The following ACYP2 variants were observed in gnomAD, a reference collection of about 807,000 sequenced individuals.
The protein encoded by ACYP2 is acylphosphatase 2, also known as acylphosphatase-2.
A neutral mutation model predicts 11.2 loss-of-function variants in ACYP2; 12 were observed. That is an observed-to-expected ratio of 1.08 (90% CI 0.69 to 1.74). The LOEUF (loss-of-function observed/expected upper bound fraction) is 1.74, where lower values mean the gene tolerates loss of function less well. Among genes scored for constraint, ACYP2 ranks in the 40% most tolerant of loss-of-function variants. The probability of loss-of-function intolerance (pLI) is 0.00; values close to 1 mark genes in which losing one functional copy is unlikely to be tolerated. For missense variants in ACYP2, 134 were observed against 101.9 expected (o/e 1.31, Z -1.35); for synonymous variants, 43 against 32.2 (o/e 1.33, Z -1.13).
chr2:54,292,054 T>C lies in ACYP2; in HGVS notation c.405-12634T>C, dbSNP rs535438583. 2.0e-5 allele frequency among the ~76,000 whole-genome samples: 3 copies of C among 152,338 alleles called. No homozygotes were observed. The South Asian group carries it at 6.2e-4, about 32-fold the overall frequency. On this transcript the variant is annotated intron_variant, in intron 6 of 6. Coordinates refer to ENST00000607452, the MANE Select transcript of ACYP2 (RefSeq NM_001320586.2). The stretch of plus-strand genomic sequence containing the variant: ...TTTTTACTTTTTAATTTTATTTGAA[T>C]GTAGCAGAAACAGGATCTCATTCTG...
chr2:54,184,916 G>C (rs115576810), intron 6 of ACYP2, among the ~76,000 whole-genome samples: 1 of 150,000 alleles, frequency 6.7e-6, no homozygotes, highest in African/African-American at 2.5e-5. Flanking sequence ...GCACCTTCTC[G>C]GTTCACTGAA....
intron 3 of ACYP2, chr2:54,051,693 T>TAA: frequency 1.6e-6 from 1 of 645,026 alleles, no homozygotes; most frequent in Non-Finnish European, 2.8e-6. Context: ...CATATTGAGC[T>TAA]AAAGGAAAGC....
At chr2:54,264,475 TC>T (rs1213778508) in intron 6 of ACYP2, among the ~76,000 whole-genome samples, 1 of 152,034 alleles carries the variant, frequency 6.6e-6, no homozygotes, top group Non-Finnish European at 1.5e-5. Context: ...GCTTCACCTC[TC>T]AGATCCTGCT....
At chr2:54,018,909 G>C (rs1285592170) in intron 2 of ACYP2, among the ~76,000 whole-genome samples, 1 of 151,852 alleles carries the variant, frequency 6.6e-6, no homozygotes, top group Non-Finnish European at 1.5e-5. Flanking sequence ...CACCACACCT[G>C]GCTAATTTTT....
At chr2:54,118,679 C>T (rs991647276) in intron 4 of ACYP2, among the ~76,000 whole-genome samples, 2 of 152,166 alleles carry the variant, frequency 1.3e-5, no homozygotes, top group African/African-American at 4.8e-5. Flanking sequence ...TTTGGACCAG[C>T]AGTAAAAATA....
intron 4 of ACYP2, among the ~76,000 whole-genome samples, chr2:54,069,619 G>A (rs1022152793): frequency 6.6e-5 from 10 of 152,072 alleles, no homozygotes; most frequent in East Asian, 5.8e-4. Flanking sequence ...CCAAGATTGC[G>A]CCACTGCACT....
chr2:54,161,251 C>A (rs566283749), intron 6 of ACYP2, among the ~76,000 whole-genome samples: 58 of 152,340 alleles, frequency 3.8e-4, no homozygotes, highest in African/African-American at 1.3e-3. Context: ...GGAGCTTTTA[C>A]ATGGCAACTA....
At chr2:54,192,454 T>G (rs1215152113) in intron 6 of ACYP2, among the ~76,000 whole-genome samples, 1 of 152,160 alleles carries the variant, frequency 6.6e-6, no homozygotes, top group Non-Finnish European at 1.5e-5. Flanking sequence ...AAATTACTAG[T>G]CTGTGAAATC....
At chr2:54,034,572 A>G (rs977244441) in intron 2 of ACYP2, among the ~76,000 whole-genome samples, 1 of 152,236 alleles carries the variant, frequency 6.6e-6, no homozygotes, top group African/African-American at 2.4e-5. Context: ...GCGTAAGTGC[A>G]GTCTAAGATG....
chr2:54,268,974 A>C (rs1464407273), intron 6 of ACYP2, among the ~76,000 whole-genome samples: 1 of 152,222 alleles, frequency 6.6e-6, no homozygotes, highest in Admixed American at 6.5e-5. Context: ...AAACCTCATA[A>C]TTACCCAATG....
chr2:54,099,303 C>G (rs1678760794), intron 4 of ACYP2, among the ~76,000 whole-genome samples: 1 of 152,212 alleles, frequency 6.6e-6, no homozygotes, highest in African/African-American at 2.4e-5. Context: ...TTCGAATCTA[C>G]TCTCTTAGCA....
chr2:54,254,800 G>A, intron 6 of ACYP2: 1 of 973,836 alleles, frequency 1.0e-6, no homozygotes, highest in Non-Finnish European at 1.5e-6. Context: ...AGTTTAAACA[G>A]AGGGTACAGG....
intron 4 of ACYP2, among the ~76,000 whole-genome samples, chr2:54,116,601 T>G (rs1214264591): frequency 6.6e-6 from 1 of 152,144 alleles, no homozygotes. Context: ...TTTCTTAATT[T>G]CCTTTGACAA....
At chr2:54,297,694 A>G (rs886763005) in intron 6 of ACYP2, among the ~76,000 whole-genome samples, 1 of 152,210 alleles carries the variant, frequency 6.6e-6, no homozygotes, top group African/African-American at 2.4e-5. Flanking sequence ...AGAAATTACT[A>G]GTTTTCCTGT....
intron 6 of ACYP2, among the ~76,000 whole-genome samples, chr2:54,301,961 C>G (rs1030013646): frequency 1.3e-5 from 2 of 152,144 alleles, no homozygotes; most frequent in Non-Finnish European, 2.9e-5. Flanking sequence ...AGTGGCCATC[C>G]TCCCCACAGG....
chr2:54,114,222 T>G (rs1265629946), intron 4 of ACYP2, among the ~76,000 whole-genome samples: 2 of 152,138 alleles, frequency 1.3e-5, no homozygotes, highest in African/African-American at 4.8e-5. Flanking sequence ...TAAACAGATT[T>G]GGAATTCTAG....
At chr2:54,011,069 G>A (rs1178260473) in intron 2 of ACYP2, among the ~76,000 whole-genome samples, 1 of 151,942 alleles carries the variant, frequency 6.6e-6, no homozygotes, top group African/African-American at 2.4e-5. Context: ...TAATAATCTT[G>A]GCTAGTTGTA....
chr2:53,981,100 C>T (rs537983369), intron 2 of ACYP2, among the ~76,000 whole-genome samples: 4 of 152,254 alleles, frequency 2.6e-5, no homozygotes, highest in African/African-American at 7.2e-5. Context: ...TGCACCTCTT[C>T]TATGTTTAGA....
At chr2:54,041,689 A>G (rs1675238465) in intron 2 of ACYP2, among the ~76,000 whole-genome samples, 1 of 152,216 alleles carries the variant, frequency 6.6e-6, no homozygotes, top group Non-Finnish European at 1.5e-5. Flanking sequence ...CAGAGGCGGC[A>G]AGGGAGCTGA....
Sources: gnomAD v4.1 joint callset for allele counts (sites outside exome capture counted in the v4.1 genomes callset) on GRCh38, gnomAD v4.1.1 for gene constraint, MANE v1.5 for transcripts, NCBI Gene and HGNC (gene_info 2026-07-23, HGNC 2026-07-21) for gene names.